ZDHHC14: variants seen among roughly 807,000 people sequenced by gnomAD.
The protein encoded by ZDHHC14 is palmitoyltransferase ZDHHC14.
In ZDHHC14, 16 loss-of-function variants were observed where a neutral mutation model predicts 47.7. That is an observed-to-expected ratio of 0.34 (90% CI 0.23 to 0.51). ZDHHC14 has a LOEUF of 0.51. Among genes scored for constraint, ZDHHC14 ranks in the 20% least tolerant of loss-of-function variants. The pLI is 0.97. For missense variants in ZDHHC14, 515 were observed against 662.5 expected, an observed-to-expected ratio of 0.78 and a Z score of 2.44; for synonymous variants, 293 against 278.9, an observed-to-expected ratio of 1.05 and a Z score of -0.50.
chr6:157,646,612 C>CA lies in ZDHHC14; in HGVS notation c.856-629dup, dbSNP rs5881225. Among the ~76,000 whole-genome samples the CA allele has an allele frequency of 1.2e-3, 149 of 121,448 alleles. 2 individuals carry two copies. The highest frequency in any genetic ancestry group is 4.3e-3 in the Middle Eastern group (1 of 230). The allele number at this position is 121,448 out of a possible 152,430, so 79.7% of individuals were successfully genotyped here. ...TGGGTGACAGAGCGACACTCCATCT[C>CA]AAAAAAAAAAAAAAAAAAGAGGAAA... is the stretch of plus-strand genomic sequence containing the variant. On this transcript the variant is annotated intron_variant, in intron 6 of 8. Transcript: ENST00000359775.
intron 1 of ZDHHC14, among the ~76,000 whole-genome samples, chr6:157,420,389 G>A (rs1778071646): frequency 6.6e-6 from 1 of 151,578 alleles, no homozygotes; most frequent in Admixed American, 6.6e-5. Flanking sequence ...GCATTGAAGG[G>A]GTGGGCTGAA....
chr6:157,552,056 C>T (rs1360598060), intron 2 of ZDHHC14, among the ~76,000 whole-genome samples: 1 of 152,068 alleles, frequency 6.6e-6, no homozygotes, highest in African/African-American at 2.4e-5. Flanking sequence ...TCGACGGTTC[C>T]ACTGCTTAAA....
chr6:157,477,437 T>C (rs964799084), intron 1 of ZDHHC14, among the ~76,000 whole-genome samples: 3 of 152,186 alleles, frequency 2.0e-5, no homozygotes, highest in African/African-American at 7.2e-5. Flanking sequence ...GTGCAGACAT[T>C]ATCTTAAATA....
intron 1 of ZDHHC14, among the ~76,000 whole-genome samples, chr6:157,439,536 T>C (rs566179946): frequency 1.2e-4 from 18 of 152,114 alleles, no homozygotes; most frequent in Non-Finnish European, 2.4e-4. Flanking sequence ...TGTGGGGAAA[T>C]AGGAACATTT....
chr6:157,397,007 G>C (rs1054137391), intron 1 of ZDHHC14, among the ~76,000 whole-genome samples: 6 of 152,162 alleles, frequency 3.9e-5, no homozygotes, highest in Non-Finnish European at 8.8e-5. Flanking sequence ...GCTTCGGATG[G>C]TGAGACAAGA....
At chr6:157,620,874 ACTC>A (rs1785161609) in intron 3 of ZDHHC14, among the ~76,000 whole-genome samples, 1 of 151,996 alleles carries the variant, frequency 6.6e-6, no homozygotes, top group Non-Finnish European at 1.5e-5. Context: ...TCCAATGCTG[ACTC>A]CTCCATCTGC....
intron 3 of ZDHHC14, among the ~76,000 whole-genome samples, chr6:157,594,586 G>GTGCTCTTGTTA (rs1318745598): frequency 6.6e-6 from 1 of 152,210 alleles, no homozygotes; most frequent in African/African-American, 2.4e-5. Context: ...GTGATTGTTA[G>GTGCTCTTGTTA]CTGCTAGTGC....
intron 1 of ZDHHC14, among the ~76,000 whole-genome samples, chr6:157,513,133 C>A (rs1226738901): frequency 1.3e-5 from 2 of 152,212 alleles, no homozygotes; most frequent in African/African-American, 4.8e-5. Context: ...ATTCTTTAGC[C>A]CAGGACACCA....
intron 3 of ZDHHC14, among the ~76,000 whole-genome samples, chr6:157,603,491 A>G (rs1784418196): frequency 1.3e-5 from 2 of 152,118 alleles, no homozygotes; most frequent in Non-Finnish European, 2.9e-5. Flanking sequence ...CTGGAGCACG[A>G]TGCTTGAACA....
At chr6:157,610,183 A>G (rs35957646) in intron 3 of ZDHHC14, among the ~76,000 whole-genome samples, 106,995 of 152,136 alleles carry the variant, frequency 0.7, 38,058 homozygotes, top group African/African-American at 0.8. Flanking sequence ...AGTGGCTCAC[A>G]CCTGTAATCC....
rs1209723785 is a variant in ZDHHC14, at chr6:157,381,450, C to T, written c.-572C>T. 34 of 327,226 alleles carry T rather than the reference C, an allele frequency of 1.0e-4. No homozygotes were observed. The highest frequency in any genetic ancestry group is 1.9e-4 in the Non-Finnish European group (30 of 160,264). 20.3% of individuals were successfully genotyped at this position (327,226 alleles called of 1,614,324 possible). A position where few individuals can be genotyped will look rare whatever the true frequency, so the allele number is the denominator to read the frequency against. ...AAAACGTGCGTGGTTGTCCCCACCC[C>T]TGGGAGGGGTTGCCGGTGCCGCGCG... On this transcript the variant is annotated 5_prime_UTR_variant, in exon 1 of 9. Coordinates refer to ENST00000359775, the MANE Select transcript of ZDHHC14 (RefSeq NM_024630.3).
At chr6:157,601,442 A>G (rs566862470) in intron 3 of ZDHHC14, among the ~76,000 whole-genome samples, 17 of 152,198 alleles carry the variant, frequency 1.1e-4, no homozygotes, top group Non-Finnish European at 2.2e-4. Context: ...TAATAACAGT[A>G]CCAACAAACA....
At chr6:157,562,614 G>A (rs1202777143) in intron 2 of ZDHHC14, among the ~76,000 whole-genome samples, 2 of 152,144 alleles carry the variant, frequency 1.3e-5, no homozygotes, top group Non-Finnish European at 2.9e-5. Flanking sequence ...GCAGACACTC[G>A]ATGAGCCACC....
At chr6:157,584,772 G>A (rs1783628188) in intron 2 of ZDHHC14, among the ~76,000 whole-genome samples, 1 of 152,132 alleles carries the variant, frequency 6.6e-6, no homozygotes, top group African/African-American at 2.4e-5. Context: ...TGGTTGCAAG[G>A]GTAACACTAG....
At chr6:157,664,033 G>T (rs1355092221) in intron 8 of ZDHHC14, among the ~76,000 whole-genome samples, 1 of 152,172 alleles carries the variant, frequency 6.6e-6, no homozygotes, top group Non-Finnish European at 1.5e-5. Context: ...ATCTACAGGG[G>T]TGACTGTGTG....
intron 2 of ZDHHC14, among the ~76,000 whole-genome samples, chr6:157,560,576 C>T (rs539146052): frequency 1.3e-5 from 2 of 152,030 alleles, no homozygotes; most frequent in East Asian, 3.9e-4. Context: ...TGTGATTGGA[C>T]TGGCAAGTAA....
intron 3 of ZDHHC14, among the ~76,000 whole-genome samples, chr6:157,608,535 G>A (rs1397373898): frequency 6.6e-6 from 1 of 152,206 alleles, no homozygotes; most frequent in Non-Finnish European, 1.5e-5. Context: ...GCAAGAAGAT[G>A]CTGCTGTGCA....
At chr6:157,558,803 A>G (rs917371898) in intron 2 of ZDHHC14, among the ~76,000 whole-genome samples, 1 of 152,050 alleles carries the variant, frequency 6.6e-6, no homozygotes, top group Non-Finnish European at 1.5e-5. Context: ...AAAGCAAACA[A>G]ACAATAAAAC....
At chr6:157,499,748 C>T (rs947644539) in intron 1 of ZDHHC14, among the ~76,000 whole-genome samples, 1 of 152,204 alleles carries the variant, frequency 6.6e-6, no homozygotes, top group Non-Finnish European at 1.5e-5. Context: ...TAAGCAACCA[C>T]CTGCTTATCA....
Sources: allele counts gnomAD v4.1 joint callset (sites outside exome capture counted in the v4.1 genomes callset), GRCh38; gene constraint gnomAD v4.1.1; transcripts MANE v1.5; gene names NCBI Gene and HGNC (gene_info 2026-07-23, HGNC 2026-07-21).